Variants in SLC30A9 observed in about 807,000 individuals in gnomAD.
SLC30A9 encodes the protein solute carrier family 30 member 9.
A neutral mutation model predicts 87.5 loss-of-function variants in SLC30A9; 58 were observed. The ratio of observed to expected loss-of-function variants is 0.66; its 90% CI spans 0.54 to 0.82. The LOEUF (loss-of-function observed/expected upper bound fraction) is 0.82, where lower values mean the gene tolerates loss of function less well. Among genes scored for constraint, SLC30A9 ranks in the 40% least tolerant of loss-of-function variants. The probability of loss-of-function intolerance (pLI) is 0.00; values close to 1 mark genes in which losing one functional copy is unlikely to be tolerated. For synonymous variants in SLC30A9, 234 were observed against 233.0 expected (o/e 1.00, Z -0.04); for missense variants, 557 against 679.1 (o/e 0.82, Z 2.00).
intron 8 of SLC30A9, among the ~76,000 whole-genome samples, chr4:42,039,782 T>G (rs2153137470): frequency 6.6e-6 from 1 of 152,278 alleles, no homozygotes; most frequent in East Asian, 1.9e-4. Context: ...TTTTTCCCTC[T>G]ATCTTCTTGA....
intron 2 of SLC30A9, among the ~76,000 whole-genome samples, chr4:42,007,671 C>T (rs1389217617): frequency 1.3e-5 from 2 of 152,142 alleles, no homozygotes; most frequent in Non-Finnish European, 1.5e-5. Context: ...GCAGGAGAAT[C>T]GCTCGAACCC....
intron 1 of SLC30A9, among the ~76,000 whole-genome samples, chr4:41,999,513 A>G (rs1335737194): frequency 1.3e-5 from 2 of 152,180 alleles, no homozygotes; most frequent in Non-Finnish European, 2.9e-5. Flanking sequence ...GACCTAATAA[A>G]AATAGCCTGA....
chr4:42,005,883 G>T (rs1715180808), intron 2 of SLC30A9, among the ~76,000 whole-genome samples: 1 of 152,154 alleles, frequency 6.6e-6, no homozygotes, highest in Non-Finnish European at 1.5e-5. Context: ...ACTCAGAGTT[G>T]ATTACTAAAG....
chr4:41,998,716 G>A (rs1248551112), intron 1 of SLC30A9, among the ~76,000 whole-genome samples: 1 of 152,076 alleles, frequency 6.6e-6, no homozygotes, highest in Non-Finnish European at 1.5e-5. Context: ...TGCCCAGCTT[G>A]GCCTCCTAAA....
chr4:42,013,925 C>G lies in SLC30A9; in HGVS notation c.275-4186C>G, dbSNP rs112395117. Among the ~76,000 whole-genome samples the G allele has an allele frequency of 6.0e-3, 918 of 152,226 alleles. 3 individuals are homozygous for G. Among genetic ancestry groups the G allele is most frequent in the Admixed American group, 0.011 (168 of 15,296 alleles). Reference sequence around the variant, plus strand: ...ATTAAGTTAAAAGGCTTCTGCACAACAAAGGAAACAGTCAACAAAATGAAG... The same window carrying G: ...ATTAAGTTAAAAGGCTTCTGCACAAGAAAGGAAACAGTCAACAAAATGAAG... On this transcript the variant is annotated intron_variant, in intron 2 of 17. Transcript: ENST00000264451.
intron 1 of SLC30A9, among the ~76,000 whole-genome samples, chr4:41,992,383 T>C (rs1714487549): frequency 6.6e-6 from 1 of 152,006 alleles, no homozygotes; most frequent in South Asian, 2.1e-4. Flanking sequence ...ATCATACGTT[T>C]ATACTGTACT....
intron 17 of SLC30A9, among the ~76,000 whole-genome samples, chr4:42,085,818 T>C (rs1195943585): frequency 6.6e-6 from 1 of 151,982 alleles, no homozygotes; most frequent in East Asian, 2.0e-4. Context: ...TCGCAATGCT[T>C]GGCATGTACT....
At chr4:42,078,638 T>A (rs1455040551) in intron 17 of SLC30A9, 1 of 165,428 alleles carries the variant, frequency 6.0e-6, no homozygotes, top group Non-Finnish European at 1.3e-5. Flanking sequence ...TGAAAGTTCC[T>A]AGAGAAAGAT....
intron 9 of SLC30A9, among the ~76,000 whole-genome samples, chr4:42,059,886 T>G (rs1442234648): frequency 6.6e-6 from 1 of 152,192 alleles, no homozygotes; most frequent in Non-Finnish European, 1.5e-5. Context: ...ACTCTAACCC[T>G]ATTTTTTTAA....
intron 8 of SLC30A9, among the ~76,000 whole-genome samples, chr4:42,042,633 C>T (rs1002351241): frequency 6.6e-6 from 1 of 152,102 alleles, no homozygotes; most frequent in African/African-American, 2.4e-5. Flanking sequence ...GGGGTAGGGG[C>T]GGCTGTGGGC....
At chr4:42,055,745 T>C (rs961404515) in intron 9 of SLC30A9, among the ~76,000 whole-genome samples, 1 of 152,228 alleles carries the variant, frequency 6.6e-6, no homozygotes, top group African/African-American at 2.4e-5. Flanking sequence ...TTTCTCTGTC[T>C]TCTTTAAACA....
chr4:42,061,815 G>A (rs886916995), intron 10 of SLC30A9, among the ~76,000 whole-genome samples: 11 of 151,852 alleles, frequency 7.2e-5, no homozygotes, highest in South Asian at 2.1e-4. Flanking sequence ...CAGGAGAGTC[G>A]CTTGAACTCA....
rs182500444 is a variant in SLC30A9 at position 42,046,467 on chromosome 4, A to G, written c.738-2910A>G. ...TAGACAAACAGCCAAATCATGAGTG[A>G]ACTCCCATTCACAGTTGCTACAAAG... On this transcript the variant is annotated intron_variant, in intron 8 of 17. Coordinates refer to ENST00000264451, the MANE Select transcript of SLC30A9 (RefSeq NM_006345.4). Among the ~76,000 whole-genome samples, 75 of 152,320 alleles carry G rather than the reference A, an allele frequency of 4.9e-4. No homozygotes were observed. The East Asian group carries it at 0.014, about 28-fold the overall frequency.
chr4:42,038,955 G>C, intron 7 of SLC30A9, 31 bp from the exon 8 acceptor site: 1 of 1,577,212 alleles, frequency 6.3e-7, no homozygotes, highest in Non-Finnish European at 8.7e-7. Context: ...AAATTTTGGA[G>C]GTATTAAAAA....
In SLC30A9 at chr4:42,064,417, ATCATG is replaced by A. The variant is rs979871802; in HGVS notation, c.1033-892_1033-888del. 1.9e-4 allele frequency among the ~76,000 whole-genome samples: 29 copies of A among 151,906 alleles called. 1 individual carries two copies. Among genetic ancestry groups the A allele is most frequent in the Admixed American group, 1.6e-3 (25 of 15,234 alleles). On this transcript the variant is annotated intron_variant, in intron 11 of 17. Transcript: ENST00000264451. ...GTCTACTTTTTTAATATCCTGTTAT[ATCATG>A]CAAATCTACTTAATAACAAGCACAT...
At chr4:41,995,787 G>A (rs929755563) in intron 1 of SLC30A9, among the ~76,000 whole-genome samples, 11 of 152,220 alleles carry the variant, frequency 7.2e-5, no homozygotes, top group Non-Finnish European at 5.9e-5. Context: ...ACAGCTCACC[G>A]CAGCCTTGAC....
chr4:42,043,917 A>G (rs574439365), intron 8 of SLC30A9, among the ~76,000 whole-genome samples: 17 of 152,240 alleles, frequency 1.1e-4, no homozygotes, highest in Non-Finnish European at 1.8e-4. Flanking sequence ...CCAATATTCA[A>G]CATTCTTAAA....
intron 9 of SLC30A9, among the ~76,000 whole-genome samples, chr4:42,050,659 T>C (rs1452420240): frequency 1.3e-5 from 2 of 152,238 alleles, no homozygotes; most frequent in Non-Finnish European, 2.9e-5. Flanking sequence ...TCAGAACTTC[T>C]GCTTTCACCC....
chr4:42,049,329 A>G (rs1717293834), intron 8 of SLC30A9, 48 bp from the exon 9 acceptor site: 1 of 1,233,280 alleles, frequency 8.1e-7, no homozygotes, highest in Admixed American at 1.9e-5. Context: ...CTTTTGGCTT[A>G]AATTTTTGTC....
Sources: gnomAD v4.1 joint callset for allele counts (sites outside exome capture counted in the v4.1 genomes callset) on GRCh38, gnomAD v4.1.1 for gene constraint, MANE v1.5 for transcripts, NCBI Gene and HGNC (gene_info 2026-07-23, HGNC 2026-07-21) for gene names.